Variants in CNBD1 observed in about 807,000 individuals in gnomAD.
The protein encoded by CNBD1 is cyclic nucleotide-binding domain-containing protein 1.
Under a neutral mutation model 54.4 loss-of-function variants are expected in CNBD1, and 71 were observed. The ratio of observed to expected loss-of-function variants is 1.30; its 90% CI spans 1.08 to 1.59. CNBD1 has a LOEUF of 1.59. CNBD1 is among the 40% of genes most tolerant of loss of function. The pLI is 0.00. For missense variants in CNBD1, 659 were observed against 518.0 expected (o/e 1.27, Z -2.64); for synonymous variants, 182 against 170.7 (o/e 1.07, Z -0.51).
intron 6 of CNBD1, among the ~76,000 whole-genome samples, chr8:87,247,800 A>G (rs184270886): frequency 6.6e-6 from 1 of 152,334 alleles, no homozygotes; most frequent in Admixed American, 6.5e-5. Flanking sequence ...TGCGGTTGAT[A>G]CTTTTAATCA....
At chr8:87,170,938 A>G (rs973113889) in intron 4 of CNBD1, among the ~76,000 whole-genome samples, 2 of 152,122 alleles carry the variant, frequency 1.3e-5, no homozygotes, top group Non-Finnish European at 2.9e-5. Context: ...AGGATTTTGC[A>G]CCAATATTCA....
At chr8:87,387,045 C>G (rs538099773), downstream of CNBD1, among the ~76,000 whole-genome samples, 2 of 152,226 alleles carry the variant, frequency 1.3e-5, no homozygotes, top group African/African-American at 4.8e-5. Flanking sequence ...ACTTTACAGA[C>G]AAGGAAATGC....
chr8:87,135,859 T>G (rs117851564), intron 4 of CNBD1, among the ~76,000 whole-genome samples: 2,560 of 151,976 alleles, frequency 0.017, 42 homozygotes, highest in Non-Finnish European at 0.026. Flanking sequence ...CACCTCCTAT[T>G]TAGTACTAAT....
intron 4 of CNBD1, among the ~76,000 whole-genome samples, chr8:87,040,039 CA>C (rs1810031103): frequency 6.6e-6 from 1 of 151,496 alleles, no homozygotes; most frequent in Admixed American, 6.6e-5. Context: ...TCTTTGGTTC[CA>C]AAATAGTGAT....
At chr8:87,031,119 T>C (rs1007628019) in intron 4 of CNBD1, among the ~76,000 whole-genome samples, 1 of 151,466 alleles carries the variant, frequency 6.6e-6, no homozygotes, top group African/African-American at 2.4e-5. Flanking sequence ...AACACGACTT[T>C]TCAGCATCGA....
intron 4 of CNBD1, among the ~76,000 whole-genome samples, chr8:87,055,898 CCTT>C (rs1810406796): frequency 1.8e-5 from 2 of 112,818 alleles, no homozygotes; most frequent in Admixed American, 9.1e-5. Context: ...TTCCTTCCTT[CCTT>C]CCTTCCTTCC....
chr8:87,342,824 T>C (rs1170129324), intron 8 of CNBD1, among the ~76,000 whole-genome samples: 1 of 152,136 alleles, frequency 6.6e-6, no homozygotes, highest in East Asian at 1.9e-4. Flanking sequence ...TTAGAATTAC[T>C]GATGAGGGTC....
intron 6 of CNBD1, among the ~76,000 whole-genome samples, chr8:87,276,493 A>G (rs189308773): frequency 6.6e-6 from 1 of 151,968 alleles, no homozygotes; most frequent in Non-Finnish European, 1.5e-5. Context: ...TGCGTTGATA[A>G]GGGCAAGCAA....
At chr8:87,284,390 A>G (rs1396500396) in intron 6 of CNBD1, among the ~76,000 whole-genome samples, 2 of 152,150 alleles carry the variant, frequency 1.3e-5, no homozygotes, top group Non-Finnish European at 2.9e-5. Flanking sequence ...TTCAACTACT[A>G]TTTATTGAAT....
At chr8:87,101,592 A>G (rs1365235061) in intron 4 of CNBD1, among the ~76,000 whole-genome samples, 5 of 152,158 alleles carry the variant, frequency 3.3e-5, no homozygotes, top group Non-Finnish European at 5.9e-5. Flanking sequence ...CAACTTGACA[A>G]AATGTCAATA....
At chr8:86,965,379 C>G (rs1808045571) in intron 4 of CNBD1, among the ~76,000 whole-genome samples, 1 of 152,104 alleles carries the variant, frequency 6.6e-6, no homozygotes, top group Non-Finnish European at 1.5e-5. Context: ...CATCCAGTCC[C>G]AAGTGACTGC....
chr8:87,238,987 C>T (rs1233545040), intron 6 of CNBD1, among the ~76,000 whole-genome samples: 7 of 152,074 alleles, frequency 4.6e-5, no homozygotes, highest in Non-Finnish European at 7.4e-5. Flanking sequence ...TTCCCTTCTA[C>T]TAGTACCTAA....
At chr8:87,377,923 A>G (rs1473017642) in intron 10 of CNBD1, among the ~76,000 whole-genome samples, 1 of 149,086 alleles carries the variant, frequency 6.7e-6, no homozygotes, top group Admixed American at 6.7e-5. Flanking sequence ...GCATTTTTTC[A>G]TGTGTTTTTT....
At chr8:87,249,581 A>G (rs917612502) in intron 6 of CNBD1, among the ~76,000 whole-genome samples, 1 of 152,140 alleles carries the variant, frequency 6.6e-6, no homozygotes, top group African/African-American at 2.4e-5. Context: ...CCGCAAATTG[A>G]TAAAAGTGAA....
At chr8:87,365,896 T>C (rs1810632310) in intron 10 of CNBD1, among the ~76,000 whole-genome samples, 1 of 152,086 alleles carries the variant, frequency 6.6e-6, no homozygotes. Context: ...TTATTATTTG[T>C]TCAAGTTGGA....
intron 4 of CNBD1, among the ~76,000 whole-genome samples, chr8:87,203,816 T>C (rs1813913100): frequency 6.6e-6 from 1 of 152,114 alleles, no homozygotes; most frequent in Non-Finnish European, 1.5e-5. Flanking sequence ...CGATACACAA[T>C]AGCAGAGCCA....
At chr8:86,978,553 T>C (rs1340734601) in intron 4 of CNBD1, among the ~76,000 whole-genome samples, 1 of 145,056 alleles carries the variant, frequency 6.9e-6, no homozygotes, top group African/African-American at 2.6e-5. Context: ...TTTTTTTTTT[T>C]TTTTTTGAGG....
At chr8:87,354,039 A>C (rs1003872324) in intron 10 of CNBD1, among the ~76,000 whole-genome samples, 6 of 152,008 alleles carry the variant, frequency 3.9e-5, no homozygotes, top group Non-Finnish European at 5.9e-5. Flanking sequence ...CTTGATGCCG[A>C]GGTTTGATGC....
intron 2 of CNBD1, among the ~76,000 whole-genome samples, chr8:86,897,834 C>T (rs546327719): frequency 6.6e-6 from 1 of 152,210 alleles, no homozygotes; most frequent in African/African-American, 2.4e-5. Flanking sequence ...TTAACTATTA[C>T]ATGCCCAGTA....
Sources: allele counts gnomAD v4.1 joint callset (sites outside exome capture counted in the v4.1 genomes callset), GRCh38; gene constraint gnomAD v4.1.1; transcripts MANE v1.5; gene names NCBI Gene and HGNC (gene_info 2026-07-23, HGNC 2026-07-21).